KIR3DL3: variants seen among roughly 807,000 people sequenced by gnomAD.
The protein encoded by KIR3DL3 is killer cell immunoglobulin-like receptor 3DL3.
Under a neutral mutation model 34.9 loss-of-function variants are expected in KIR3DL3, and 27 were observed. The observed-to-expected ratio is 0.77, with a 90% CI of 0.57 to 1.07. The LOEUF is 1.07. Among genes scored for constraint, KIR3DL3 ranks in the 50% least tolerant of loss-of-function variants. The pLI is 0.00. For missense variants in KIR3DL3, 681 were observed against 528.5 expected, an observed-to-expected ratio of 1.29 and a Z score of -2.83; for synonymous variants, 217 against 200.2, an observed-to-expected ratio of 1.08 and a Z score of -0.71.
Position 54,735,279 on chromosome 19 carries a change from A to G in KIR3DL3, c.976A>G (p.Ile326Val). The G allele has an allele frequency of 6.6e-7, 1 of 1,523,498 alleles. No individual in the cohort carries two copies. The highest frequency in any genetic ancestry group is 9.0e-7 in the Non-Finnish European group (1 of 1,105,998). 94.4% of individuals were successfully genotyped at this position (1,523,498 alleles called of 1,614,324 possible). The change falls in exon 6 of 8, where the codon ATT (isoleucine) becomes GTT (valine). Residue 326 changes from isoleucine to valine, a missense_variant. Transcript: ENST00000291860. ...TAACTCCAGAAACCTGCACGTTCTG[A>G]TTGGGACCTCAGTGGTCATCATCCC... is the stretch of plus-strand genomic sequence containing the variant. ...TGNSRNLHVL[I>V]GTSVVIIPFA...
intron 2 of KIR3DL3, 49 bp downstream of exon 2, chr19:54,725,331 A>T: frequency 7.0e-7 from 1 of 1,431,438 alleles, no homozygotes. Context: ...ACATAAGATG[A>T]TGCTCCTGAA....
chr19:54,727,591 C>G lies in KIR3DL3; in HGVS notation c.356-20C>G. On this transcript the variant is annotated intron_variant, in intron 3 of 7. Transcript: ENST00000291860. ...ATGAGAAAGGGAGACGCCTTCTGAA[C>G]TCACAACCTCTCTTCTTAGGAGTCC... 1 of 1,604,206 alleles carries G rather than the reference C, an allele frequency of 6.2e-7. No homozygotes were observed. The highest frequency in any genetic ancestry group is 8.5e-7 in the Non-Finnish European group (1 of 1,176,612).
At chr19:54,730,064 G>A (rs1416584400) in intron 5 of KIR3DL3, among the ~76,000 whole-genome samples, 3 of 151,912 alleles carry the variant, frequency 2.0e-5, no homozygotes, top group Non-Finnish European at 2.9e-5. Context: ...TGCCTGGGGA[G>A]ATCAGAGGTT....
intron 5 of KIR3DL3, among the ~76,000 whole-genome samples, chr19:54,732,943 G>A (rs1348952130): frequency 6.6e-6 from 1 of 151,950 alleles, no homozygotes; most frequent in Non-Finnish European, 1.5e-5. Flanking sequence ...ATGAAAATAA[G>A]GGAGGCCCAG....
intron 5 of KIR3DL3, among the ~76,000 whole-genome samples, chr19:54,734,963 C>T (rs2069302637): frequency 7.0e-6 from 1 of 142,818 alleles, no homozygotes; most frequent in Non-Finnish European, 1.5e-5. Flanking sequence ...CATGATGGAT[C>T]CACCTCCATG....
intron 5 of KIR3DL3, among the ~76,000 whole-genome samples, chr19:54,730,287 C>T (rs1301892720): frequency 1.3e-5 from 2 of 149,864 alleles, no homozygotes; most frequent in African/African-American, 4.9e-5. Context: ...GGCACGGTGG[C>T]TCACGGTTGT....
chr19:54,729,840 G>C, intron 5 of KIR3DL3, 54 bp downstream of exon 5: 1 of 1,525,068 alleles, frequency 6.6e-7, no homozygotes, highest in East Asian at 2.4e-5. Flanking sequence ...CCATAGCTGA[G>C]GAGCTTCCTG....
chr19:54,736,246 A>G lies in KIR3DL3; in HGVS notation c.*150A>G, dbSNP rs2069595553. On this transcript the variant is annotated 3_prime_UTR_variant, in exon 8 of 8. Transcript: ENST00000291860. ...CCATGTACCAGCAGCTGGACTCTGA[A>G]GGCGTGAGTCTGCATCTTAGGGCAT... 9.9e-7 allele frequency: 1 copy of G among 1,010,108 alleles called. No homozygotes were observed. 62.6% of individuals were successfully genotyped at this position (1,010,108 alleles called of 1,614,324 possible).
In KIR3DL3 at chr19:54,726,316, C is replaced by T; in HGVS notation, c.334C>T (p.Pro112Ser). The T allele has an allele frequency of 6.2e-7, 1 of 1,613,662 alleles. No individual in the cohort carries two copies. Among genetic ancestry groups the T allele is most frequent in the Non-Finnish European group, 8.5e-7 (1 of 1,179,920 alleles). ...SPTGWSAPSN[P>S]VVIMVTGVHR... is the part of the protein sequence containing the mutation. The stretch of plus-strand genomic sequence containing the variant: ...CACTGGGTGGTCGGCACCCAGCAAC[C>T]CTGTGGTGATCATGGTCACAGGTCA... The change falls in exon 3 of 8, where the codon CCT becomes TCT. Residue 112 changes from proline (P) to serine (S), a missense_variant. By Grantham distance (74) the Pro-to-Ser change is moderately conservative. Coordinates refer to ENST00000291860, the MANE Select transcript of KIR3DL3 (RefSeq NM_153443.5).
Position 54,735,837 on chromosome 19 carries a change from C to A in KIR3DL3, c.1072C>A (p.Gln358Lys). 1 of 1,607,668 alleles carries A rather than the reference C, an allele frequency of 6.2e-7. No homozygotes were observed. Among genetic ancestry groups the A allele is most frequent in the Non-Finnish European group, 8.5e-7 (1 of 1,178,284 alleles). The change falls in exon 7 of 8, where the codon CAA (glutamine) becomes AAA (lysine). Residue 358 changes from glutamine (Q) to lysine (K), a missense_variant. Coordinates refer to ENST00000291860, the MANE Select transcript of KIR3DL3 (RefSeq NM_153443.5). ...ANKKNAVVMD[Q>K]EPAGNRTVNR... ...TTCTACAGATGCTGTTGTAATGGAC[C>A]AAGAGCCTGCAGGGAACAGAACAGT...
intron 5 of KIR3DL3, among the ~76,000 whole-genome samples, chr19:54,732,499 C>A (rs2068925538): frequency 6.6e-6 from 1 of 151,996 alleles, no homozygotes; most frequent in Non-Finnish European, 1.5e-5. Context: ...TCAAGTGATC[C>A]CACCGCCTTA....
chr19:54,725,417 G>C (rs1348484392), intron 2 of KIR3DL3, 135 bp downstream of exon 2: 2 of 743,548 alleles, frequency 2.7e-6, no homozygotes, highest in Non-Finnish European at 4.3e-6. Flanking sequence ...TCATGAACTA[G>C]GAAAAGGAAG....
At chr19:54,725,954 G>A (rs2068110765) in intron 2 of KIR3DL3, 99 bp from the exon 3 acceptor site, 1 of 1,182,874 alleles carries the variant, frequency 8.5e-7, no homozygotes, top group African/African-American at 1.5e-5. Context: ...GGTGTGGTAG[G>A]AGCCTTAGAA....
At chr19:54,729,464 C>G in intron 4 of KIR3DL3, 29 bp from the exon 5 acceptor site, 1 of 1,534,820 alleles carries the variant, frequency 6.5e-7, no homozygotes, top group African/African-American at 1.4e-5. Context: ...GAAGAACCTC[C>G]CTGAGGAAAC....
Position 54,735,341 on chromosome 19 carries a change from G to C in KIR3DL3, c.1038G>C (p.Trp346Cys), listed in dbSNP as rs189445349. 34 of 1,417,404 alleles carry C rather than the reference G, an allele frequency of 2.4e-5. No individual in the cohort carries two copies. The Admixed American group carries it at 4.4e-4, about 19-fold the overall frequency. The allele number at this position is 1,417,404 out of a possible 1,614,324, so 87.8% of individuals were successfully genotyped here. Residue 346 changes from tryptophan (W) to cysteine (C), a missense_variant, in exon 6 of 8, where the codon TGG becomes TGC. Physicochemically the swap from Trp to Cys is radical, Grantham distance 215 (BLOSUM62 -2). Transcript: ENST00000291860. The part of the protein sequence containing the change: ...AILLFFLLHR[W>C]CANKKNAVVM... ...TCCTCTTCTTTCTCCTTCATCGCTG[G>C]TGTGCCAACAAAAAGAGTAAGTCTC... is the stretch of plus-strand genomic sequence containing the variant.
At chr19:54,735,760 T>C (rs549461360) in intron 6 of KIR3DL3, 60 bp from the exon 7 acceptor site, 2 of 1,595,046 alleles carry the variant, frequency 1.3e-6, no homozygotes, top group South Asian at 2.2e-5. Context: ...GGTATCTGCT[T>C]ATGAAATGAG....
In KIR3DL3 at chr19:54,727,854, C is replaced by G; in HGVS notation, c.599C>G (p.Thr200Ser). The G allele has an allele frequency of 4.3e-6, 7 of 1,614,062 alleles. 1 individual carries two copies. The South Asian group carries it at 7.7e-5, about 18-fold the overall frequency. Residue 200 changes from threonine (T) to serine (S), a missense_variant, in exon 4 of 8, where the codon ACT becomes AGT. Coordinates refer to ENST00000291860, the MANE Select transcript of KIR3DL3 (RefSeq NM_153443.5). Reference sequence around the variant, plus strand: ...ACCTACAGATGCTTTGGTTCTGTCACTCACTTACCCTATGAGTTGTCGGCT... The same window carrying G: ...ACCTACAGATGCTTTGGTTCTGTCAGTCACTTACCCTATGAGTTGTCGGCT... The part of the protein sequence containing the change: ...AGTYRCFGSV[T>S]HLPYELSAPS...
At chr19:54,732,257 T>TTTTTTTTTG (rs2068893015) in intron 5 of KIR3DL3, among the ~76,000 whole-genome samples, 49 of 82,828 alleles carry the variant, frequency 5.9e-4, no homozygotes, top group African/African-American at 2.0e-3. Flanking sequence ...TTTTTTGTTT[T>TTTTTTTTTG]CTTTTTTTTT....
intron 4 of KIR3DL3, among the ~76,000 whole-genome samples, chr19:54,728,746 A>G (rs2068469410): frequency 6.6e-6 from 1 of 150,686 alleles, no homozygotes; most frequent in African/African-American, 2.4e-5. Flanking sequence ...ACAGGGAAAG[A>G]TAAAGATGTG....
Sources: allele counts gnomAD v4.1 joint callset (sites outside exome capture counted in the v4.1 genomes callset), GRCh38; gene constraint gnomAD v4.1.1; transcripts MANE v1.5; gene names NCBI Gene and HGNC (gene_info 2026-07-23, HGNC 2026-07-21).